SWT1: variants seen among roughly 807,000 people sequenced by gnomAD.
SWT1 encodes the protein SWT1 RNA endoribonuclease homolog, also known as transcriptional protein SWT1.
SWT1 carries 33 observed loss-of-function variants against 107.3 expected under a neutral mutation model. The ratio of observed to expected loss-of-function variants is 0.31; its 90% confidence interval spans 0.23 to 0.41. The LOEUF is 0.41. Among genes scored for constraint, SWT1 ranks in the 10% least tolerant of loss-of-function variants. The pLI, the probability that SWT1 is intolerant of heterozygous loss-of-function variation, is 1.00. For missense variants in SWT1, 898 were observed against 1,028.9 expected (o/e 0.87, Z 1.74); for synonymous variants, 345 against 348.3 (o/e 0.99, Z 0.11).
intron 10 of SWT1, among the ~76,000 whole-genome samples, chr1:185,196,842 T>C (rs1464370255): frequency 1.3e-5 from 2 of 151,914 alleles, no homozygotes; most frequent in East Asian, 3.9e-4. Flanking sequence ...TTTTGTATCC[T>C]GAGACTTTAG....
chr1:185,249,993 G>C (rs1362961267), intron 16 of SWT1, among the ~76,000 whole-genome samples: 1 of 152,146 alleles, frequency 6.6e-6, no homozygotes, highest in Non-Finnish European at 1.5e-5. Context: ...ATCCTGTAAA[G>C]CTGTTTGTTT....
At chr1:185,267,767 T>C (rs1199103672) in intron 16 of SWT1, among the ~76,000 whole-genome samples, 2 of 152,230 alleles carry the variant, frequency 1.3e-5, no homozygotes, top group African/African-American at 4.8e-5. Flanking sequence ...CAAGGGCTAA[T>C]TTCTTGATTC....
At chr1:185,166,997 T>C (rs1354906664) in intron 3 of SWT1, among the ~76,000 whole-genome samples, 3 of 152,100 alleles carry the variant, frequency 2.0e-5, no homozygotes, top group Non-Finnish European at 4.4e-5. Flanking sequence ...AACCTCTACC[T>C]CCTGTGTTCA....
Position 185,276,620 on chromosome 1 carries a change from A to T in SWT1, c.2525A>T (p.Lys842Ile). ...TCCTTTCAGGTAAATAAAAATGTCA[A>T]ATTTACTGCCCAGGAAATTTATGAT... Reference protein sequence around the residue: ...LIKYEVNKNVKFTAQEIYDCV... With the variant: ...LIKYEVNKNVIFTAQEIYDCV... Residue 842 changes from lysine to isoleucine, a missense_variant, in exon 18 of 19, where the codon AAA (lysine) becomes ATA (isoleucine). Physicochemically the swap from Lys to Ile is moderately radical, Grantham distance 102 (BLOSUM62 -3). Transcript: ENST00000367500. 1 of 1,582,066 alleles carries T rather than the reference A, an allele frequency of 6.3e-7. No homozygotes were observed. Among genetic ancestry groups the T allele is most frequent in the Non-Finnish European group, 8.6e-7 (1 of 1,156,562 alleles).
At chr1:185,157,432 T>C (rs1653692522) in intron 1 of SWT1, 118 bp downstream of exon 1, 10 of 151,888 alleles carry the variant, frequency 6.6e-5, no homozygotes, top group Admixed American at 6.6e-4. Flanking sequence ...CACACGGACC[T>C]GGGCGGGGCG....
At chr1:185,277,252 A>T (rs913004151) in intron 18 of SWT1, among the ~76,000 whole-genome samples, 1 of 140,554 alleles carries the variant, frequency 7.1e-6, no homozygotes, top group Non-Finnish European at 1.5e-5. Context: ...CTTAGTCTTT[A>T]TTTATTTATT....
Position 185,221,947 on chromosome 1 carries a change from T to C in SWT1, c.2220T>C (p.Val740=), listed in dbSNP as rs577950600. The part of the protein sequence containing the change: ...LKNSHNQEIT[V]FSSSHLPQPS... ...ATTCTCATAATCAAGAAATCACTGTTTTCTCGAGTTCTCATCTTCCCCAAC... is the reference window on the plus strand; with the variant it reads ...ATTCTCATAATCAAGAAATCACTGTCTTCTCGAGTTCTCATCTTCCCCAAC... The change falls in exon 15 of 19, where the codon GTT becomes GTC. Residue 740 remains valine (V), a synonymous_variant. Coordinates refer to ENST00000367500, the MANE Select transcript of SWT1 (RefSeq NM_017673.7). 6.2e-7 allele frequency: 1 copy of C among 1,612,674 alleles called. No individual in the cohort carries two copies. The highest frequency in any genetic ancestry group is 1.3e-5 in the African/African-American group (1 of 74,992).
intron 15 of SWT1, among the ~76,000 whole-genome samples, chr1:185,224,168 C>T (rs1436551108): frequency 6.6e-6 from 1 of 152,134 alleles, no homozygotes; most frequent in Non-Finnish European, 1.5e-5. Flanking sequence ...TCTTTTCACT[C>T]TGTTGTTTCC....
chr1:185,259,338 C>T (rs1364175671), intron 16 of SWT1, among the ~76,000 whole-genome samples: 1 of 152,084 alleles, frequency 6.6e-6, no homozygotes, highest in Admixed American at 6.5e-5. Context: ...AATCAGCAAT[C>T]AATAGGTGCA....
intron 4 of SWT1, among the ~76,000 whole-genome samples, chr1:185,174,146 TTA>T (rs1655335530): frequency 6.6e-6 from 1 of 152,210 alleles, no homozygotes; most frequent in Non-Finnish European, 1.5e-5. Flanking sequence ...CATTTGGAAT[TTA>T]TGTTGTTTGT....
chr1:185,182,751 A>C (rs1348052231), intron 7 of SWT1, among the ~76,000 whole-genome samples: 1 of 151,870 alleles, frequency 6.6e-6, no homozygotes, highest in Non-Finnish European at 1.5e-5. Context: ...CATGTTGTGA[A>C]ATTTTGATCA....
At chr1:185,214,410 C>A in intron 13 of SWT1, 97 bp from the exon 14 acceptor site, 1 of 943,706 alleles carries the variant, frequency 1.1e-6, no homozygotes, top group Non-Finnish European at 1.6e-6. Context: ...AATGTATACT[C>A]TTTTTAAATT....
intron 15 of SWT1, among the ~76,000 whole-genome samples, chr1:185,231,076 C>T (rs1275727304): frequency 2.6e-5 from 4 of 152,144 alleles, no homozygotes; most frequent in African/African-American, 9.7e-5. Flanking sequence ...AAGTGGCCAA[C>T]TTACTGATGA....
At chr1:185,280,115 T>C (rs1472744716) in intron 18 of SWT1, among the ~76,000 whole-genome samples, 7 of 152,282 alleles carry the variant, frequency 4.6e-5, no homozygotes, top group African/African-American at 1.7e-4. Context: ...AATTGAATCA[T>C]GAGAGCAGTT....
At chr1:185,245,109 AAAAT>A (rs1232931360) in intron 16 of SWT1, among the ~76,000 whole-genome samples, 1 of 152,186 alleles carries the variant, frequency 6.6e-6, no homozygotes, top group Non-Finnish European at 1.5e-5. Context: ...ATTTAAAAAT[AAAAT>A]AAAAAAGGAC....
At chr1:185,191,588 A>G (rs1355383751) in intron 10 of SWT1, among the ~76,000 whole-genome samples, 1 of 152,190 alleles carries the variant, frequency 6.6e-6, no homozygotes, top group African/African-American at 2.4e-5. Flanking sequence ...CTTCAAAGAT[A>G]ATGTGATTCC....
At position 185,214,655 on chromosome 1, in the gene SWT1, G is replaced by A; in HGVS notation, c.2121G>A (p.Glu707=). ...QVNNLLQTFA[E]VKTKLKPNSS... Reference sequence around the variant, plus strand: ...ACAACCTCCTTCAGACATTTGCAGAGGTAAGATGCCTTTGGAATGCCAGTT... The same window carrying A: ...ACAACCTCCTTCAGACATTTGCAGAAGTAAGATGCCTTTGGAATGCCAGTT... Residue 707 remains glutamate (E), a splice_region_variant and synonymous_variant, in exon 14 of 19, where the codon GAG becomes GAA. Transcript: ENST00000367500. The A allele has an allele frequency of 6.3e-7, 1 of 1,599,992 alleles. No homozygotes were observed. Among genetic ancestry groups the A allele is most frequent in the Non-Finnish European group, 8.5e-7 (1 of 1,175,150 alleles).
rs747724700 is a variant in SWT1, at chr1:185,271,331, C to T, written c.2450C>T (p.Ala817Val). Residue 817 changes from alanine (A) to valine (V), a missense_variant, in exon 17 of 19, where the codon GCC becomes GTC. Physicochemically the swap from Ala to Val is moderately conservative, Grantham distance 64 (BLOSUM62 0). Transcript: ENST00000367500. ...DILEGIQRIL[A>V]PNSNYQDVET... The stretch of plus-strand genomic sequence containing the variant: ...TTTATTTTATTTTTTAGGATTTTGG[C>T]CCCAAACAGTAATTATCAAGATGTT... The T allele has an allele frequency of 3.3e-6, 5 of 1,512,738 alleles. No homozygotes were observed. Among genetic ancestry groups the T allele is most frequent in the Non-Finnish European group, 4.6e-6 (5 of 1,089,692 alleles). 93.7% of individuals were successfully genotyped at this position (1,512,738 alleles called of 1,614,324 possible).
chr1:185,261,593 G>C (rs1200268888), intron 16 of SWT1, among the ~76,000 whole-genome samples: 2 of 151,650 alleles, frequency 1.3e-5, no homozygotes, highest in African/African-American at 4.8e-5. Flanking sequence ...CATCACAGCT[G>C]GCTGTACATT....
Sources: allele counts gnomAD v4.1 joint callset (sites outside exome capture counted in the v4.1 genomes callset), GRCh38; gene constraint gnomAD v4.1.1; transcripts MANE v1.5; gene names NCBI Gene and HGNC (gene_info 2026-07-23, HGNC 2026-07-21).